Variants in MCF2 observed in about 807,000 individuals in gnomAD.
MCF2 encodes proto-oncogene DBL.
MCF2 carries 44 observed loss-of-function variants against 82.5 expected under a neutral mutation model. The observed-to-expected ratio is 0.53, with a 90% CI of 0.42 to 0.69. MCF2 has a LOEUF of 0.69. Among genes scored for constraint, MCF2 ranks in the 30% least tolerant of loss-of-function variants. MCF2 has a pLI of 0.00. For synonymous variants in MCF2, 217 were observed against 224.9 expected (o/e 0.96, Z 0.32); for missense variants, 623 against 663.1 (o/e 0.94, Z 0.66).
chrX:139,691,805 G>T lies in MCF2; in HGVS notation c.-45+16301C>A, dbSNP rs752351495. On this transcript the variant is annotated intron_variant, in intron 1 of 27. Transcript: ENST00000414978. ...GAAAATAAAGTGCGCGCGGGGAGGGGTGTGGACTGGAAAATAAAGAAAAGC... is the reference window on the plus strand; with the variant it reads ...GAAAATAAAGTGCGCGCGGGGAGGGTTGTGGACTGGAAAATAAAGAAAAGC... 132 of 595,136 alleles carry T rather than the reference G, an allele frequency of 2.2e-4. 1 individual carries two copies. The South Asian group carries it at 3.5e-3, about 16-fold the overall frequency. The allele number at this position is 595,136 out of a possible 1,213,427, so 49.0% of individuals were successfully genotyped here.
At chrX:139,592,605 C>A (rs1929619895) in intron 19 of MCF2, among the ~76,000 whole-genome samples, 1 of 111,606 alleles carries the variant, frequency 9.0e-6, no homozygotes, top group Non-Finnish European at 1.9e-5. Context: ...TTTGAACCCT[C>A]TCTGACATGG....
chrX:139,660,846 C>T (rs1014288488), intron 1 of MCF2, among the ~76,000 whole-genome samples: 2 of 111,923 alleles, frequency 1.8e-5, no homozygotes, highest in African/African-American at 6.5e-5. Context: ...AGCAAATATC[C>T]ACTGGATTCT....
chrX:139,664,339 T>G (rs957407645), intron 1 of MCF2, among the ~76,000 whole-genome samples: 1 of 112,254 alleles, frequency 8.9e-6, no homozygotes, highest in Non-Finnish European at 1.9e-5. Context: ...AAAACCATTT[T>G]TGATGTAAAA....
intron 1 of MCF2, among the ~76,000 whole-genome samples, chrX:139,699,999 G>A (rs1200150131): frequency 2.7e-5 from 3 of 111,387 alleles, no homozygotes; most frequent in African/African-American, 9.8e-5. Flanking sequence ...TTGTGTGGTC[G>A]AGCATCTTTT....
rs1411431532 is a variant in MCF2, at chrX:139,642,441, T to C, written c.51+27A>G. On this transcript the variant is annotated intron_variant, in intron 1 of 24. Coordinates refer to ENST00000370576, the Ensembl canonical transcript of MCF2. The stretch of plus-strand genomic sequence containing the variant: ...CAGCACTTGAACTTGGGAACAGGCT[T>C]TCCAGGAGTGCAGACAGAGCCCTTA... 5.8e-6 allele frequency: 7 copies of C among 1,211,284 alleles called. No homozygotes were observed. The South Asian group carries it at 1.2e-4, about 21-fold the overall frequency.
chrX:139,678,416 C>T (rs888812370), intron 1 of MCF2, among the ~76,000 whole-genome samples: 2 of 111,101 alleles, frequency 1.8e-5, no homozygotes, highest in African/African-American at 6.6e-5. Flanking sequence ...GTAGGATAGA[C>T]TTTTTAAAGC....
intron 1 of MCF2, among the ~76,000 whole-genome samples, chrX:139,686,379 GGGTGTGGT>G (rs1359598896): frequency 9.0e-6 from 1 of 111,126 alleles, no homozygotes; most frequent in Non-Finnish European, 1.9e-5. Flanking sequence ...AAAATTAGCT[GGGTGTGGT>G]GGTGCACACC....
intron 1 of MCF2, among the ~76,000 whole-genome samples, chrX:139,633,281 A>C (rs1442468548): frequency 8.9e-6 from 1 of 111,844 alleles, no homozygotes; most frequent in African/African-American, 3.2e-5. Flanking sequence ...AAAGACAAAG[A>C]AGGAGGACAC....
chrX:139,679,563 G>C (rs1039994502), intron 1 of MCF2, among the ~76,000 whole-genome samples: 1 of 110,584 alleles, frequency 9.0e-6, no homozygotes, highest in Non-Finnish European at 1.9e-5. Context: ...ACACTGGTCT[G>C]GATCTCCTGG....
chrX:139,680,489 C>T (rs1271417909), intron 1 of MCF2, among the ~76,000 whole-genome samples: 3 of 112,076 alleles, frequency 2.7e-5, no homozygotes, highest in African/African-American at 9.7e-5. Context: ...CAAATAATCA[C>T]CATTCAGTTC....
intron 1 of MCF2, among the ~76,000 whole-genome samples, chrX:139,699,627 C>T (rs1238431155): frequency 8.9e-6 from 1 of 112,135 alleles, no homozygotes; most frequent in Non-Finnish European, 1.9e-5. Flanking sequence ...TATTTGGATT[C>T]TTTCACTTAG....
At chrX:139,587,683 A>T in intron 22 of MCF2, 33 bp downstream of exon 26, 1 of 924,355 alleles carries the variant, frequency 1.1e-6, no homozygotes, top group Non-Finnish European at 1.6e-6. Context: ...AAAAGATTGC[A>T]GGAGTGGTAT....
intron 2 of MCF2, among the ~76,000 whole-genome samples, chrX:139,651,076 A>G (rs1239714165): frequency 9.0e-6 from 1 of 110,592 alleles, no homozygotes; most frequent in African/African-American, 3.3e-5. Flanking sequence ...ATAGAGTTTC[A>G]ATTTTGCAAG....
intron 1 of MCF2, among the ~76,000 whole-genome samples, chrX:139,683,745 A>G (rs1935057797): frequency 8.9e-6 from 1 of 111,924 alleles, no homozygotes; most frequent in South Asian, 3.7e-4. Flanking sequence ...ATTCTTTTTA[A>G]TAAATGATGT....
intron 1 of MCF2, among the ~76,000 whole-genome samples, chrX:139,701,494 G>A (rs755681542): frequency 8.9e-6 from 1 of 112,095 alleles, no homozygotes; most frequent in African/African-American, 3.2e-5. Flanking sequence ...AAATTTCCCT[G>A]AAGGAGAAGA....
chrX:139,640,396 C>T (rs1015633883), intron 1 of MCF2, among the ~76,000 whole-genome samples: 3 of 111,448 alleles, frequency 2.7e-5, no homozygotes, highest in African/African-American at 9.8e-5. Flanking sequence ...CTCTTCCCCC[C>T]ATATCCCCAC....
intron 1 of MCF2, among the ~76,000 whole-genome samples, chrX:139,655,621 T>C (rs771405381): frequency 1.8e-5 from 2 of 111,313 alleles, no homozygotes; most frequent in Non-Finnish European, 3.8e-5. Context: ...GCTGCACCCA[T>C]TAACTCGTTA....
At chrX:139,649,098 C>G (rs757981309) in intron 2 of MCF2, among the ~76,000 whole-genome samples, 15 of 112,482 alleles carry the variant, frequency 1.3e-4, no homozygotes, top group Non-Finnish European at 2.8e-4. Context: ...GCAGAATACA[C>G]TTTCTTCTCT....
At chrX:139,701,314 G>A (rs562957246) in intron 1 of MCF2, among the ~76,000 whole-genome samples, 190 of 111,747 alleles carry the variant, frequency 1.7e-3, no homozygotes, top group Non-Finnish European at 2.4e-3. Context: ...TTACTTTTAC[G>A]TGTCAACTTG....
Sources: allele counts gnomAD v4.1 joint callset (sites outside exome capture counted in the v4.1 genomes callset), GRCh38; gene constraint gnomAD v4.1.1; transcripts MANE v1.5; gene names NCBI Gene and HGNC (gene_info 2026-07-23, HGNC 2026-07-21).